HAT1: variants seen among roughly 807,000 people sequenced by gnomAD.
HAT1 encodes the protein histone acetyltransferase type B catalytic subunit.
Under a neutral mutation model 56.6 loss-of-function variants are expected in HAT1, and 20 were observed. The observed-to-expected ratio is 0.35, with a 90% confidence interval of 0.25 to 0.51. HAT1 has a LOEUF of 0.51. HAT1 is among the 20% of genes least tolerant of loss of function. The pLI, the probability that HAT1 is intolerant of heterozygous loss-of-function variation, is 0.95. For synonymous variants in HAT1, 146 were observed against 165.5 expected (o/e 0.88, Z 0.91); for missense variants, 408 against 504.3 (o/e 0.81, Z 1.83).
intron 2 of HAT1, among the ~76,000 whole-genome samples, chr2:171,932,226 G>A (rs1419443799): frequency 6.6e-6 from 1 of 152,114 alleles, no homozygotes; most frequent in African/African-American, 2.4e-5. Flanking sequence ...GTTCATGACA[G>A]GTAATGGTTT....
intron 8 of HAT1, among the ~76,000 whole-genome samples, chr2:171,967,324 T>C (rs1251692149): frequency 6.6e-6 from 1 of 152,186 alleles, no homozygotes; most frequent in Non-Finnish European, 1.5e-5. Context: ...TTATAAACTT[T>C]ACTGAGAAAA....
intron 5 of HAT1, 88 bp from the exon 6 acceptor site, chr2:171,965,699 A>C: frequency 3.9e-6 from 5 of 1,296,868 alleles, no homozygotes; most frequent in Non-Finnish European, 5.4e-6. Flanking sequence ...ACTTCTAAAC[A>C]TTTTCCCACA....
intron 2 of HAT1, among the ~76,000 whole-genome samples, chr2:171,941,178 TCACTACTCACTG>T (rs1293070506): frequency 6.6e-6 from 1 of 152,176 alleles, no homozygotes; most frequent in Non-Finnish European, 1.5e-5. Context: ...CACTTGCCAC[TCACTACTCACTG>T]ATAGGGTTGG....
chr2:171,964,657 A>G (rs913904583), intron 4 of HAT1, among the ~76,000 whole-genome samples: 2 of 152,186 alleles, frequency 1.3e-5, no homozygotes, highest in African/African-American at 2.4e-5. Context: ...TGCTCAGCTG[A>G]TAACATTGAT....
intron 2 of HAT1, among the ~76,000 whole-genome samples, chr2:171,931,934 C>T (rs1686760153): frequency 6.6e-6 from 1 of 152,180 alleles, no homozygotes; most frequent in African/African-American, 2.4e-5. Flanking sequence ...AGCCTTTCAC[C>T]ATTCACTATG....
chr2:171,932,849 A>G (rs59853867), intron 2 of HAT1, among the ~76,000 whole-genome samples: 31,371 of 152,046 alleles, frequency 0.21, 4,534 homozygotes, highest in African/African-American at 0.39. Flanking sequence ...AGTCTGGGTG[A>G]CAGAGCCAGA....
At chr2:171,940,391 C>G (rs745349874) in intron 2 of HAT1, among the ~76,000 whole-genome samples, 4 of 152,192 alleles carry the variant, frequency 2.6e-5, no homozygotes, top group Non-Finnish European at 5.9e-5. Flanking sequence ...ATATCCCCTG[C>G]TATTTCATTA....
At chr2:171,931,888 C>T (rs1481422527) in intron 2 of HAT1, among the ~76,000 whole-genome samples, 1 of 152,172 alleles carries the variant, frequency 6.6e-6, no homozygotes, top group Admixed American at 6.5e-5. Context: ...GAGTAGACAT[C>T]CTTGCCTTAT....
intron 2 of HAT1, among the ~76,000 whole-genome samples, chr2:171,943,072 AG>A (rs1371233111): frequency 0.86 from 127,270 of 148,782 alleles, 54,520 homozygotes; most frequent in South Asian, 0.96. Flanking sequence ...GACATATTTG[AG>A]TTTTTTTTTT....
chr2:171,947,068 A>G (rs1687185139), intron 3 of HAT1, among the ~76,000 whole-genome samples: 1 of 152,170 alleles, frequency 6.6e-6, no homozygotes, highest in African/African-American at 2.4e-5. Context: ...TCATGAACAT[A>G]CAAATGGCTG....
At chr2:171,956,860 A>T (rs1687460827) in intron 4 of HAT1, among the ~76,000 whole-genome samples, 1 of 152,210 alleles carries the variant, frequency 6.6e-6, no homozygotes, top group Non-Finnish European at 1.5e-5. Context: ...ATTGTAGAAG[A>T]CACTAGTTAG....
At chr2:171,970,773 C>A (rs1687797262) in intron 8 of HAT1, among the ~76,000 whole-genome samples, 1 of 150,570 alleles carries the variant, frequency 6.6e-6, no homozygotes, top group Non-Finnish European at 1.5e-5. Context: ...CGGCCTCGGC[C>A]TCCCCAAGTG....
At chr2:171,954,005 A>T (rs1687380396) in intron 4 of HAT1, among the ~76,000 whole-genome samples, 2 of 152,166 alleles carry the variant, frequency 1.3e-5, no homozygotes, top group African/African-American at 2.4e-5. Flanking sequence ...AAAAAAATTA[A>T]TTAATTAAAT....
rs549712548 is a variant in HAT1 at position 171,946,834 on chromosome 2, T to C, written c.188+51T>C. ...CAAATTAGTATGGAAAAAAAAATTT[T>C]CATTCTTTTTCTTTTAGATTTAGAA... On this transcript the variant is annotated intron_variant, in intron 3 of 10. Coordinates refer to ENST00000264108, the MANE Select transcript of HAT1 (RefSeq NM_003642.4). 1.1e-5 allele frequency: 9 copies of C among 794,992 alleles called. No homozygotes were observed. The East Asian group carries it at 1.8e-4, about 16-fold the overall frequency. 49.2% of individuals were successfully genotyped at this position (794,992 alleles called of 1,614,324 possible).
At position 171,966,896 on chromosome 2, in the gene HAT1, T is replaced by A; in HGVS notation, c.770T>A (p.Leu257His). 1.3e-6 allele frequency: 2 copies of A among 1,595,124 alleles called. No individual in the cohort carries two copies. The highest frequency in any genetic ancestry group is 1.7e-6 in the Non-Finnish European group (2 of 1,163,156). The change falls in exon 8 of 11, where the codon CTT becomes CAT. Residue 257 changes from leucine (L) to histidine (H), a missense_variant. By Grantham distance (99) the Leu-to-His change is moderately conservative. Transcript: ENST00000264108. ...FQGQGHGAQLLETVHRYYTEF... is the reference protein window; with the variant it reads ...FQGQGHGAQLHETVHRYYTEF... The stretch of plus-strand genomic sequence containing the variant: ...GGTCAAGGCCATGGTGCTCAACTTC[T>A]TGAAACAGTTCATAGATACTACACT...
chr2:171,923,449 T>A (rs1686497093), intron 1 of HAT1: 1 of 152,188 alleles, frequency 6.6e-6, no homozygotes. Flanking sequence ...CAATTTTTTT[T>A]AACCTTTTAG....
chr2:171,946,016 C>T (rs1464884100), intron 2 of HAT1, among the ~76,000 whole-genome samples: 1 of 152,160 alleles, frequency 6.6e-6, no homozygotes, highest in Non-Finnish European at 1.5e-5. Context: ...GTCAGCCAGG[C>T]TGGGCGTGAA....
At chr2:171,948,874 T>G (rs1687235188) in intron 3 of HAT1, among the ~76,000 whole-genome samples, 1 of 152,232 alleles carries the variant, frequency 6.6e-6, no homozygotes, top group Non-Finnish European at 1.5e-5. Flanking sequence ...GATGTCAGTT[T>G]GTCCCTTGTT....
chr2:171,977,156 G>A (rs540125225), intron 9 of HAT1, among the ~76,000 whole-genome samples: 256 of 145,194 alleles, frequency 1.8e-3, no homozygotes, highest in African/African-American at 6.4e-3. Context: ...CTGGGCGACC[G>A]AGCGAGACTC....
Sources: gnomAD v4.1 joint callset for allele counts (sites outside exome capture counted in the v4.1 genomes callset) on GRCh38, gnomAD v4.1.1 for gene constraint, MANE v1.5 for transcripts, NCBI Gene and HGNC (gene_info 2026-07-23, HGNC 2026-07-21) for gene names.